Variants in CCDC91 observed in about 807,000 individuals in gnomAD.
CCDC91 encodes coiled-coil domain-containing protein 91.
Under a neutral mutation model 63.2 loss-of-function variants are expected in CCDC91, and 48 were observed. The ratio of observed to expected loss-of-function variants is 0.76; its 90% CI spans 0.60 to 0.97. The LOEUF (loss-of-function observed/expected upper bound fraction) is 0.97, where lower values mean the gene tolerates loss of function less well. CCDC91 is among the 50% of genes least tolerant of loss of function. CCDC91 has a pLI of 0.00. For synonymous variants in CCDC91, 167 were observed against 165.8 expected, an observed-to-expected ratio of 1.01 and a Z score of -0.06; for missense variants, 500 against 494.6, an observed-to-expected ratio of 1.01 and a Z score of -0.10.
At chr12:28,398,523 A>G (rs1946424636) in intron 8 of CCDC91, among the ~76,000 whole-genome samples, 1 of 152,156 alleles carries the variant, frequency 6.6e-6, no homozygotes, top group African/African-American at 2.4e-5. Context: ...TTTTGTTTGT[A>G]AATATCTAGG....
At chr12:28,245,518 A>T (rs1051431168) in intron 1 of CCDC91, among the ~76,000 whole-genome samples, 1 of 152,194 alleles carries the variant, frequency 6.6e-6, no homozygotes, top group East Asian at 1.9e-4. Flanking sequence ...ATTTCTGTTC[A>T]TCAAAAGCTG....
At chr12:28,403,636 T>C (rs1946766335) in intron 8 of CCDC91, among the ~76,000 whole-genome samples, 1 of 152,166 alleles carries the variant, frequency 6.6e-6, no homozygotes. Flanking sequence ...GGCTAGGATT[T>C]CAACATATGA....
At chr12:28,393,521 G>A (rs1157990499) in intron 8 of CCDC91, among the ~76,000 whole-genome samples, 1 of 151,986 alleles carries the variant, frequency 6.6e-6, no homozygotes, top group African/African-American at 2.4e-5. Context: ...TATCAAACTA[G>A]GGTGGAAGAA....
intron 6 of CCDC91, among the ~76,000 whole-genome samples, chr12:28,327,398 A>G (rs1255994807): frequency 2.0e-5 from 3 of 152,082 alleles, no homozygotes; most frequent in Non-Finnish European, 4.4e-5. Context: ...ATGTGTGTGT[A>G]AGGAGCAGAC....
intron 7 of CCDC91, among the ~76,000 whole-genome samples, chr12:28,371,663 G>T (rs1944630507): frequency 6.6e-6 from 1 of 152,090 alleles, no homozygotes; most frequent in Non-Finnish European, 1.5e-5. Flanking sequence ...TATAATTACT[G>T]CTCCCTCCAT....
At chr12:28,268,374 A>G (rs1355435355) in intron 3 of CCDC91, among the ~76,000 whole-genome samples, 6 of 152,086 alleles carry the variant, frequency 3.9e-5, no homozygotes, top group African/African-American at 1.2e-4. Context: ...GATTATATTT[A>G]TATAATAGAA....
chr12:28,237,779 A>G (rs1239194783), intron 1 of CCDC91, among the ~76,000 whole-genome samples: 1 of 152,234 alleles, frequency 6.6e-6, no homozygotes, highest in African/African-American at 2.4e-5. Flanking sequence ...TTATGTGTGA[A>G]TATACATTTT....
intron 6 of CCDC91, among the ~76,000 whole-genome samples, chr12:28,338,451 CAG>C (rs1298918553): frequency 6.6e-6 from 1 of 151,848 alleles, no homozygotes; most frequent in Non-Finnish European, 1.5e-5. Context: ...GTAGAGAAAA[CAG>C]TGTGAATGCC....
At chr12:28,281,726 GT>G (rs1948619179) in intron 3 of CCDC91, among the ~76,000 whole-genome samples, 1 of 152,126 alleles carries the variant, frequency 6.6e-6, no homozygotes, top group South Asian at 2.1e-4. Context: ...TTAGAGTAGT[GT>G]ATAGAAAGTA....
intron 1 of CCDC91, among the ~76,000 whole-genome samples, chr12:28,221,012 A>G (rs964703116): frequency 2.6e-5 from 4 of 152,116 alleles, no homozygotes; most frequent in Admixed American, 2.6e-4. Context: ...CCATACTTTT[A>G]AAATAATTTC....
chr12:28,399,979 G>A (rs1946517313), intron 8 of CCDC91, among the ~76,000 whole-genome samples: 1 of 152,192 alleles, frequency 6.6e-6, no homozygotes, highest in Admixed American at 6.5e-5. Flanking sequence ...GGGCCTGGAG[G>A]ATGGTAGCCC....
At chr12:28,400,158 C>CT in intron 8 of CCDC91, among the ~76,000 whole-genome samples, 1 of 152,288 alleles carries the variant, frequency 6.6e-6, no homozygotes, top group East Asian at 1.9e-4. Context: ...CCTCTGAAAT[C>CT]TAGGTGGAAG....
chr12:28,317,818 T>A (rs551060793), intron 6 of CCDC91, among the ~76,000 whole-genome samples: 36 of 152,108 alleles, frequency 2.4e-4, no homozygotes, highest in African/African-American at 6.3e-4. Context: ...TACCTTTTTT[T>A]AATCAGTATT....
At chr12:28,297,886 C>T (rs187200601) in intron 3 of CCDC91, among the ~76,000 whole-genome samples, 5 of 151,892 alleles carry the variant, frequency 3.3e-5, no homozygotes, top group Admixed American at 3.3e-4. Context: ...TAAGCACACA[C>T]ATTTAAAACA....
In CCDC91 at chr12:28,296,630, A is replaced by C. The variant is rs557614252; in HGVS notation, c.110-9019A>C. On this transcript the variant is annotated intron_variant, in intron 3 of 12. Coordinates refer to ENST00000536442, the MANE Select transcript of CCDC91 (RefSeq NM_018318.5). The stretch of plus-strand genomic sequence containing the variant: ...TTATATTACATCTATATATCTATAC[A>C]TATAATGTATAAACATATACATTAT... Among the ~76,000 whole-genome samples the C allele has an allele frequency of 3.0e-4, 46 of 151,978 alleles. 1 individual carries two copies. The highest frequency in any genetic ancestry group is 1.5e-3 in the East Asian group (8 of 5,176).
intron 6 of CCDC91, among the ~76,000 whole-genome samples, chr12:28,338,864 G>A (rs1460506817): frequency 6.6e-6 from 1 of 151,346 alleles, no homozygotes; most frequent in African/African-American, 2.4e-5. Context: ...TTTTTGAGAC[G>A]GACTCTCGCT....
At chr12:28,380,351 G>A (rs12230538) in intron 7 of CCDC91, among the ~76,000 whole-genome samples, 2 of 151,950 alleles carry the variant, frequency 1.3e-5, no homozygotes, top group Non-Finnish European at 2.9e-5. Flanking sequence ...GTAGAGTTTA[G>A]TTAGTTGTTT....
intron 6 of CCDC91, 69 bp from the exon 7 acceptor site, chr12:28,362,369 C>G: frequency 2.7e-6 from 3 of 1,116,762 alleles, no homozygotes; most frequent in East Asian, 2.6e-5. Context: ...CAGCAAAAGT[C>G]TATGGTTTTA....
chr12:28,413,938 C>G (rs562203254), intron 8 of CCDC91, among the ~76,000 whole-genome samples: 1 of 152,286 alleles, frequency 6.6e-6, no homozygotes, highest in South Asian at 2.1e-4. Context: ...CATGTCCTTT[C>G]TCTACGATCT....
Sources: gnomAD v4.1 joint callset for allele counts (sites outside exome capture counted in the v4.1 genomes callset) on GRCh38, gnomAD v4.1.1 for gene constraint, MANE v1.5 for transcripts, NCBI Gene and HGNC (gene_info 2026-07-23, HGNC 2026-07-21) for gene names.